Variants in PDE11A observed in about 807,000 individuals in gnomAD.
The protein encoded by PDE11A is phosphodiesterase 11A, also known as dual 3',5'-cyclic-AMP and -GMP phosphodiesterase 11A.
A neutral mutation model predicts 100.5 loss-of-function variants in PDE11A; 100 were observed. The ratio of observed to expected loss-of-function variants is 1.00; its 90% CI spans 0.85 to 1.18. The LOEUF is 1.18. Among genes scored for constraint, PDE11A ranks in the 50% most tolerant of loss-of-function variants. PDE11A has a pLI of 0.00. For synonymous variants in PDE11A, 381 were observed against 420.8 expected, an observed-to-expected ratio of 0.91 and a Z score of 1.16; for missense variants, 1,141 against 1,152.6, an observed-to-expected ratio of 0.99 and a Z score of 0.15.
chr2:178,103,664 GAT>G (rs964294106), intron 2 of PDE11A, among the ~76,000 whole-genome samples: 3 of 150,660 alleles, frequency 2.0e-5, no homozygotes, highest in East Asian at 1.9e-4. Flanking sequence ...GAAAAAAGGT[GAT>G]ATATATATAT....
intron 19 of PDE11A, among the ~76,000 whole-genome samples, chr2:177,663,080 G>GT (rs1559132224): frequency 6.6e-6 from 1 of 152,214 alleles, no homozygotes; most frequent in Non-Finnish European, 1.5e-5. Flanking sequence ...AACTTGCCAG[G>GT]TTTTTACAAA....
chr2:178,009,008 C>G (rs1376484424), intron 2 of PDE11A, among the ~76,000 whole-genome samples: 1 of 152,180 alleles, frequency 6.6e-6, no homozygotes, highest in Non-Finnish European at 1.5e-5. Flanking sequence ...ATAAACATAT[C>G]ATACTTTATG....
chr2:178,091,779 T>TG (rs66999450), intron 2 of PDE11A, among the ~76,000 whole-genome samples: 129,846 of 151,844 alleles, frequency 0.86, 56,303 homozygotes, highest in Non-Finnish European at 0.92. Context: ...TGTAAGTGGG[T>TG]GGGGGGGCTC....
chr2:177,746,460 A>T (rs2081949407), intron 10 of PDE11A, among the ~76,000 whole-genome samples: 1 of 152,218 alleles, frequency 6.6e-6, no homozygotes, highest in Non-Finnish European at 1.5e-5. Context: ...TAAACCAAGG[A>T]AAGACCAGAG....
intron 9 of PDE11A, among the ~76,000 whole-genome samples, chr2:177,772,713 T>TAA (rs58575142): frequency 0.025 from 3,591 of 141,484 alleles, 63 homozygotes; most frequent in South Asian, 0.057. Context: ...TTCCTTTATT[T>TAA]AAAAAAAAAA....
chr2:177,770,203 T>C (rs543869445), intron 9 of PDE11A, among the ~76,000 whole-genome samples: 1 of 152,326 alleles, frequency 6.6e-6, no homozygotes, highest in African/African-American at 2.4e-5. Flanking sequence ...AAGTAACAAA[T>C]GCCCTTTTGA....
chr2:177,831,242 T>A (rs2083303487), intron 6 of PDE11A, among the ~76,000 whole-genome samples: 1 of 152,220 alleles, frequency 6.6e-6, no homozygotes, highest in Admixed American at 6.5e-5. Flanking sequence ...TCAGCAGGCA[T>A]CTGACAGCAC....
At chr2:177,787,863 T>A (rs1426427451) in intron 9 of PDE11A, among the ~76,000 whole-genome samples, 3 of 152,138 alleles carry the variant, frequency 2.0e-5, no homozygotes, top group Non-Finnish European at 4.4e-5. Flanking sequence ...ATGCACCCAA[T>A]ACAGGAGCAC....
intron 19 of PDE11A, among the ~76,000 whole-genome samples, chr2:177,657,757 G>T (rs1175126578): frequency 6.6e-6 from 1 of 152,138 alleles, no homozygotes; most frequent in Non-Finnish European, 1.5e-5. Flanking sequence ...TAAGGGGAGG[G>T]CTTTTATTTC....
At chr2:177,701,340 T>A in intron 13 of PDE11A, 129 bp from the exon 14 acceptor site, 1 of 700,062 alleles carries the variant, frequency 1.4e-6, no homozygotes, top group Non-Finnish European at 2.7e-6. Context: ...GTAACTGCTT[T>A]TGTAGTCCAT....
intron 10 of PDE11A, among the ~76,000 whole-genome samples, chr2:177,757,795 T>A (rs1260433516): frequency 1.3e-5 from 2 of 151,970 alleles, no homozygotes; most frequent in East Asian, 3.9e-4. Flanking sequence ...TGAGGTGAAA[T>A]CTGTTTTGAA....
At chr2:177,898,895 T>A (rs1405618873) in intron 3 of PDE11A, among the ~76,000 whole-genome samples, 1 of 152,224 alleles carries the variant, frequency 6.6e-6, no homozygotes, top group East Asian at 1.9e-4. Context: ...TTTGTGCCTG[T>A]AGAAGCAGGA....
intron 1 of PDE11A, among the ~76,000 whole-genome samples, chr2:178,106,444 A>C (rs1178480549): frequency 6.6e-6 from 1 of 152,242 alleles, no homozygotes; most frequent in Non-Finnish European, 1.5e-5. Context: ...AACATCACTC[A>C]GAGTACTGCA....
intron 2 of PDE11A, among the ~76,000 whole-genome samples, chr2:178,005,864 C>G (rs2086203785): frequency 1.3e-5 from 2 of 152,120 alleles, no homozygotes; most frequent in South Asian, 4.1e-4. Context: ...TTATGTAGAT[C>G]CTGCAGAGTA....
chr2:177,760,167 G>A (rs2082149427), intron 10 of PDE11A, among the ~76,000 whole-genome samples: 1 of 152,150 alleles, frequency 6.6e-6, no homozygotes, highest in Non-Finnish European at 1.5e-5. Context: ...TACATAAAAT[G>A]GAGATATGCT....
At chr2:178,067,051 TG>T (rs1201156695) in intron 1 of PDE11A, among the ~76,000 whole-genome samples, 1 of 152,200 alleles carries the variant, frequency 6.6e-6, no homozygotes. Flanking sequence ...TCATATCTCC[TG>T]GGTTTAGAAT....
chr2:177,817,561 T>C lies in PDE11A; in HGVS notation c.1644+297A>G, dbSNP rs1574173521. On this transcript the variant is annotated intron_variant, in intron 8 of 19. Coordinates refer to ENST00000286063, the MANE Select transcript of PDE11A (RefSeq NM_016953.4). ...CAGAGCTGGCTCAGGGTTTCATGAC[T>C]CTGAACACACACAAACAAGACAAGA... 2.0e-5 allele frequency among the ~76,000 whole-genome samples: 3 copies of C among 152,212 alleles called. No homozygotes were observed. The South Asian group carries it at 6.2e-4, about 32-fold the overall frequency.
Position 177,728,076 on chromosome 2 carries a change from G to A in PDE11A, c.1885C>T (p.Arg629Trp), listed in dbSNP as rs142279060. ...DVDAMITAALRMFMELGMVQK... is the reference protein window; with the variant it reads ...DVDAMITAALWMFMELGMVQK... ...ACCATCCCCAGCTCCATGAACATCC[G>A]GAGAGCAGCTGTGATCATGGCATCA... Residue 629 changes from arginine to tryptophan, a missense_variant, in exon 11 of 20, where the codon CGG becomes TGG. By Grantham distance (101) the Arg-to-Trp change is moderately radical. Coordinates refer to ENST00000286063, the MANE Select transcript of PDE11A (RefSeq NM_016953.4). 5.0e-5 allele frequency: 81 copies of A among 1,612,758 alleles called. 1 individual carries two copies. In the South Asian group the frequency reaches 8.0e-4, roughly 16 times the overall value.
intron 1 of PDE11A, among the ~76,000 whole-genome samples, chr2:178,064,507 G>A (rs1381283855): frequency 6.6e-6 from 1 of 152,194 alleles, no homozygotes; most frequent in Non-Finnish European, 1.5e-5. Flanking sequence ...TAAAATGGGT[G>A]TGGTCATAGT....
Sources: gnomAD v4.1 joint callset for allele counts (sites outside exome capture counted in the v4.1 genomes callset) on GRCh38, gnomAD v4.1.1 for gene constraint, MANE v1.5 for transcripts, NCBI Gene and HGNC (gene_info 2026-07-23, HGNC 2026-07-21) for gene names.